The following BPIFA1 variants were observed in gnomAD, a reference collection of about 807,000 sequenced individuals.
BPIFA1 encodes the protein BPI fold containing family A member 1, also known as BPI fold-containing family A member 1.
Under a neutral mutation model 25.1 loss-of-function variants are expected in BPIFA1, and 24 were observed. That is an observed-to-expected ratio of 0.96 (90% CI 0.69 to 1.35). The LOEUF is 1.35. Among genes scored for constraint, BPIFA1 ranks in the 40% most tolerant of loss-of-function variants. The pLI is 0.00. For missense variants in BPIFA1, 344 were observed against 303.7 expected, an observed-to-expected ratio of 1.13 and a Z score of -0.99; for synonymous variants, 139 against 131.8, an observed-to-expected ratio of 1.05 and a Z score of -0.37.
intron 6 of BPIFA1, 29 bp downstream of exon 6, chr20:33,241,498 T>A: frequency 1.3e-6 from 2 of 1,581,654 alleles, no homozygotes; most frequent in Non-Finnish European, 1.7e-6. Flanking sequence ...GATCCCCTGA[T>A]CCTCAGGTTT....
chr20:33,241,289 T>C (rs1324828194), intron 5 of BPIFA1, 96 bp from the exon 6 acceptor site: 52 of 1,152,558 alleles, frequency 4.5e-5, no homozygotes, highest in Non-Finnish European at 5.9e-5. Context: ...CTTTAGTGAC[T>C]GAGTGTTGAG....
rs760392571 is a variant in BPIFA1, at chr20:33,238,266, A to G, written c.320+52A>G. On this transcript the variant is annotated intron_variant, in intron 3 of 8. Transcript: ENST00000354297. ...ATCTCCACCAGGGAACCCCAGGTGA[A>G]GATCTGCCAGCCCCAGGCAGTGACC... 8 of 1,561,792 alleles carry G rather than the reference A, an allele frequency of 5.1e-6. No homozygotes were observed. In the African/African-American group the frequency reaches 9.6e-5, roughly 19 times the overall value.
intron 1 of BPIFA1, 21 bp from the exon 2 acceptor site, chr20:33,237,676 G>A (rs1568629654): frequency 7.1e-7 from 1 of 1,412,536 alleles, no homozygotes; most frequent in Non-Finnish European, 9.3e-7. Flanking sequence ...TGCCATGTTG[G>A]ACTTGTCATT....
chr20:33,242,390 C>T lies in BPIFA1; in HGVS notation c.731-97C>T, dbSNP rs918220166. ...CTGAACACAGTCGGATCTCCAGAGG[C>T]CTCCATTCCCTGGCCCCCCACCTTG... On this transcript the variant is annotated intron_variant, in intron 7 of 8. Coordinates refer to ENST00000354297, the MANE Select transcript of BPIFA1 (RefSeq NM_130852.3). 2.8e-6 allele frequency: 4 copies of T among 1,414,476 alleles called. No individual in the cohort carries two copies. The South Asian group carries it at 3.6e-5, about 13-fold the overall frequency. The allele number at this position is 1,414,476 out of a possible 1,614,324, so 87.6% of individuals were successfully genotyped here.
rs1568632646 is a variant in BPIFA1, at chr20:33,242,528, G to A, written c.*1G>A. 2 of 1,614,072 alleles carry A rather than the reference G, an allele frequency of 1.2e-6. No homozygotes were observed. Among genetic ancestry groups the A allele is most frequent in the Admixed American group, 1.7e-5 (1 of 60,026 alleles). ...ACTACAGTTTGTCATCAAGGTCTAA[G>A]CCTTCCAGGAAGGGGCTGGCCTCTG... On this transcript the variant is annotated 3_prime_UTR_variant, in exon 8 of 9. Coordinates refer to ENST00000354297, the MANE Select transcript of BPIFA1 (RefSeq NM_130852.3).
chr20:33,241,041 T>C (rs766968452), intron 5 of BPIFA1, among the ~76,000 whole-genome samples: 2 of 152,228 alleles, frequency 1.3e-5, no homozygotes, highest in Non-Finnish European at 2.9e-5. Context: ...TAACTTTTAA[T>C]GAACACATAC....
chr20:33,237,795 G>A lies in BPIFA1; in HGVS notation c.84G>A (p.Leu28=). 1 of 1,602,858 alleles carries A rather than the reference G, an allele frequency of 6.2e-7. No individual in the cohort carries two copies. Reference sequence around the variant, plus strand: ...AGTTTGGAGGCCTGCCCGTGCCCCTGGACCAGACCCTGCCCTTGAATGTGA... The same window carrying A: ...AGTTTGGAGGCCTGCCCGTGCCCCTAGACCAGACCCTGCCCTTGAATGTGA... ...MAQFGGLPVP[L]DQTLPLNVNP... Residue 28 remains leucine (L), a synonymous_variant, in exon 2 of 9, where the codon CTG becomes CTA. Transcript: ENST00000354297.
intron 3 of BPIFA1, among the ~76,000 whole-genome samples, chr20:33,239,557 C>T (rs888922052): frequency 7.2e-5 from 11 of 152,182 alleles, no homozygotes; most frequent in African/African-American, 2.2e-4. Context: ...GTCCTGAATA[C>T]CTCATAGACT....
chr20:33,239,988 G>T (rs924415963), intron 4 of BPIFA1, 78 bp downstream of exon 4: 18 of 1,474,990 alleles, frequency 1.2e-5, no homozygotes, highest in Admixed American at 3.4e-5. Context: ...CATAACGGGG[G>T]TATTGGAGTC....
In BPIFA1 at chr20:33,242,056, G is replaced by A. The variant is rs1295618272; in HGVS notation, c.667G>A (p.Val223Met). Residue 223 changes from valine (V) to methionine (M), a missense_variant and splice_region_variant, in exon 7 of 9, where the codon GTG (valine) becomes ATG (methionine). Transcript: ENST00000354297. ...KVLPELVQGN[V>M]CPLVNEVLRG... Reference sequence around the variant, plus strand: ...AACTCTCCTCTCTGCCCCTGGCCAGGTGTGCCCTCTGGTCAATGAGGTTCT... The same window carrying A: ...AACTCTCCTCTCTGCCCCTGGCCAGATGTGCCCTCTGGTCAATGAGGTTCT... 1.9e-6 allele frequency: 3 copies of A among 1,613,926 alleles called. No individual in the cohort carries two copies. The highest frequency in any genetic ancestry group is 2.7e-5 in the African/African-American group (2 of 74,934).
At chr20:33,238,362 T>C in intron 3 of BPIFA1, 148 bp downstream of exon 3, 1 of 967,898 alleles carries the variant, frequency 1.0e-6, no homozygotes. Flanking sequence ...CTGAGACCCA[T>C]CTCCAGTTTG....
intron 3 of BPIFA1, among the ~76,000 whole-genome samples, chr20:33,239,532 C>T (rs1331828069): frequency 6.6e-6 from 1 of 152,222 alleles, no homozygotes; most frequent in Non-Finnish European, 1.5e-5. Flanking sequence ...CAGATATAAT[C>T]CAGACACAGT....
In BPIFA1 at chr20:33,242,677, G is replaced by GT. The variant is rs531182626; in HGVS notation, c.*34+116_*34+117insT. On this transcript the variant is annotated intron_variant, in intron 8 of 8. Coordinates refer to ENST00000354297, the MANE Select transcript of BPIFA1 (RefSeq NM_130852.3). Reference sequence around the variant, plus strand: ...AAAGAAAGAGACAAACATCTACAGAGGTACACACAGGGATGCACAGAGAAA... The same window carrying GT: ...AAAGAAAGAGACAAACATCTACAGAGTGTACACACAGGGATGCACAGAGAAA... 1.3e-3 allele frequency: 965 copies of GT among 739,324 alleles called. 12 individuals are homozygous for GT. In the South Asian group the frequency reaches 0.015, roughly 12 times the overall value. The allele number at this position is 739,324 out of a possible 1,614,324, so 45.8% of individuals were successfully genotyped here. A position where few individuals can be genotyped will look rare whatever the true frequency, so the allele number is the denominator to read the frequency against.
chr20:33,242,628 C>G, intron 8 of BPIFA1, 67 bp downstream of exon 8: 5 of 1,195,138 alleles, frequency 4.2e-6, no homozygotes, highest in Middle Eastern at 4.2e-4. Flanking sequence ...AGAAGGCAGA[C>G]GGGAGCTTGG....
chr20:33,242,575 C>T lies in BPIFA1; in HGVS notation c.*34+14C>T, dbSNP rs749236339. On this transcript the variant is annotated intron_variant, in intron 8 of 8. Transcript: ENST00000354297. The stretch of plus-strand genomic sequence containing the variant: ...TCTGCTGAGCTGGTAAGTGCCCTTC[C>T]CCACACCCCAGGGTTTTGGGGGCTG... The T allele has an allele frequency of 1.8e-5, 28 of 1,590,436 alleles. No homozygotes were observed. Among genetic ancestry groups the T allele is most frequent in the East Asian group, 4.5e-5 (2 of 44,764 alleles).
chr20:33,241,363 AC>A, intron 5 of BPIFA1, 21 bp from the exon 6 acceptor site: 1 of 1,594,850 alleles, frequency 6.3e-7, no homozygotes, highest in East Asian at 2.2e-5. Context: ...TCCCTGCATC[AC>A]CCATGACTTT....
At chr20:33,236,974 A>T (rs899725009) in intron 1 of BPIFA1, among the ~76,000 whole-genome samples, 1 of 152,126 alleles carries the variant, frequency 6.6e-6, no homozygotes, top group Admixed American at 6.5e-5. Context: ...TCCACCAACC[A>T]TCATGGCCTG....
chr20:33,240,686 GAT>G (rs1568631731), intron 5 of BPIFA1, among the ~76,000 whole-genome samples: 1 of 144,134 alleles, frequency 6.9e-6, no homozygotes, highest in Non-Finnish European at 1.5e-5. Flanking sequence ...TAGATAGATA[GAT>G]AAAGTAGTAC....
intron 3 of BPIFA1, 98 bp downstream of exon 3, chr20:33,238,312 C>CAGCGAGGGAGCGGCCTGAAGA (rs1978797312): frequency 4.3e-6 from 6 of 1,396,744 alleles, no homozygotes; most frequent in Non-Finnish European, 5.8e-6. Context: ...GACCCTGAAG[C>CAGCGAGGGAGCGGCCTGAAGA]AGCGAGGGAG....
Sources: gnomAD v4.1 joint callset for allele counts (sites outside exome capture counted in the v4.1 genomes callset) on GRCh38, gnomAD v4.1.1 for gene constraint, MANE v1.5 for transcripts, NCBI Gene and HGNC (gene_info 2026-07-23, HGNC 2026-07-21) for gene names.